The following DTD1 variants were observed in gnomAD, a reference collection of about 807,000 sequenced individuals.
DTD1 encodes the protein D-tyrosyl-tRNA deacylase 1 homolog.
A neutral mutation model predicts 25.6 loss-of-function variants in DTD1; 13 were observed. That is an observed-to-expected ratio of 0.51 (90% CI 0.33 to 0.81). DTD1 has a LOEUF of 0.81. Ranked by LOEUF, DTD1 falls within the 30% of genes least tolerant of loss-of-function variation. DTD1 has a pLI of 0.02. For synonymous variants in DTD1, 110 were observed against 103.6 expected (o/e 1.06, Z -0.37); for missense variants, 193 against 266.4 (o/e 0.72, Z 1.92).
intron 3 of DTD1, among the ~76,000 whole-genome samples, chr20:18,610,815 G>A (rs6045503): frequency 1.1e-3 from 144 of 132,594 alleles, no homozygotes; most frequent in African/African-American, 3.4e-3. Context: ...AGGAGGCTGA[G>A]GTGGGAGGAT....
chr20:18,721,907 CCGG>C (rs1273121651), intron 4 of DTD1, among the ~76,000 whole-genome samples: 7 of 152,112 alleles, frequency 4.6e-5, no homozygotes, highest in Non-Finnish European at 8.8e-5. Flanking sequence ...TGGGTCACAC[CCGG>C]GTCTGTGCAG....
intron 3 of DTD1, among the ~76,000 whole-genome samples, chr20:18,616,011 T>C (rs1568646630): frequency 6.6e-6 from 1 of 152,362 alleles, no homozygotes; most frequent in East Asian, 1.9e-4. Context: ...ATGAGTGAAC[T>C]TTCAGTGGAA....
At chr20:18,717,251 G>A (rs902459148) in intron 4 of DTD1, among the ~76,000 whole-genome samples, 4 of 152,186 alleles carry the variant, frequency 2.6e-5, no homozygotes, top group African/African-American at 9.7e-5. Flanking sequence ...CAACAGGTGA[G>A]TTCACCATAG....
At chr20:18,717,380 G>A (rs1246150204) in intron 4 of DTD1, among the ~76,000 whole-genome samples, 1 of 152,102 alleles carries the variant, frequency 6.6e-6, no homozygotes, top group Non-Finnish European at 1.5e-5. Context: ...TTTCTTGACT[G>A]CAAATGGTGC....
At chr20:18,617,043 C>T (rs181339996) in intron 3 of DTD1, among the ~76,000 whole-genome samples, 3 of 152,314 alleles carry the variant, frequency 2.0e-5, no homozygotes, top group East Asian at 3.9e-4. Context: ...ACTTTTATCT[C>T]ATTTCCTGAA....
chr20:18,757,452 A>C (rs1207933519), intron 5 of DTD1, among the ~76,000 whole-genome samples: 1 of 152,146 alleles, frequency 6.6e-6, no homozygotes, highest in African/African-American at 2.4e-5. Context: ...TCCCATCAAT[A>C]CCTAATTTAT....
chr20:18,652,354 A>G (rs75455655), intron 4 of DTD1, among the ~76,000 whole-genome samples: 2,714 of 152,370 alleles, frequency 0.018, 89 homozygotes, highest in African/African-American at 0.062. Context: ...TCAGTTTACA[A>G]TCTTTAATAA....
At chr20:18,703,260 G>GA (rs1310750767) in intron 4 of DTD1, among the ~76,000 whole-genome samples, 1 of 152,108 alleles carries the variant, frequency 6.6e-6, no homozygotes, top group African/African-American at 2.4e-5. Flanking sequence ...ACTATTTACT[G>GA]ACCATATTCT....
intron 4 of DTD1, among the ~76,000 whole-genome samples, chr20:18,712,782 C>A (rs1315064181): frequency 6.6e-6 from 1 of 152,218 alleles, no homozygotes; most frequent in African/African-American, 2.4e-5. Context: ...CATGACCTTA[C>A]GTGGCTCACG....
At chr20:18,662,420 T>C (rs543555332) in intron 4 of DTD1, among the ~76,000 whole-genome samples, 5 of 152,098 alleles carry the variant, frequency 3.3e-5, no homozygotes, top group Admixed American at 3.3e-4. Context: ...CATGCCCAGC[T>C]GGGGGTGGGG....
intron 1 of DTD1, 41 bp downstream of exon 1, chr20:18,588,156 A>AC: frequency 8.1e-7 from 1 of 1,232,704 alleles, no homozygotes; most frequent in Non-Finnish European, 1.0e-6. Flanking sequence ...GCCGCCCCTG[A>AC]CCCCCGCGAC....
intron 4 of DTD1, among the ~76,000 whole-genome samples, chr20:18,727,408 G>T (rs1211572330): frequency 2.6e-5 from 4 of 152,128 alleles, no homozygotes; most frequent in Non-Finnish European, 4.4e-5. Flanking sequence ...GCGAGAGGAA[G>T]TGGGTGGCGA....
intron 3 of DTD1, among the ~76,000 whole-genome samples, chr20:18,614,335 A>G (rs1402087465): frequency 6.6e-6 from 1 of 152,192 alleles, no homozygotes; most frequent in African/African-American, 2.4e-5. Context: ...GCCAGGTGAT[A>G]TCCTGAATGC....
At chr20:18,589,265 C>T (rs988413899) in intron 1 of DTD1, among the ~76,000 whole-genome samples, 1 of 152,100 alleles carries the variant, frequency 6.6e-6, no homozygotes, top group East Asian at 1.9e-4. Flanking sequence ...GTAGGAGAAT[C>T]GCTTGAACCC....
chr20:18,674,502 A>G (rs2060962656), intron 4 of DTD1: 1 of 152,270 alleles, frequency 6.6e-6, no homozygotes, highest in Admixed American at 6.5e-5. Context: ...GCATAGTTTC[A>G]AGAGTTACTT....
intron 2 of DTD1, 79 bp from the exon 3 acceptor site, chr20:18,595,927 G>T: frequency 8.1e-7 from 1 of 1,234,924 alleles, no homozygotes; most frequent in Non-Finnish European, 1.2e-6. Flanking sequence ...ACCGGAAGCT[G>T]GTGACATTTT....
At chr20:18,632,877 T>C (rs1226548947) in intron 4 of DTD1, among the ~76,000 whole-genome samples, 1 of 152,002 alleles carries the variant, frequency 6.6e-6, no homozygotes, top group Non-Finnish European at 1.5e-5. Context: ...TGCATGTGCA[T>C]GTGGGTATGT....
intron 3 of DTD1, among the ~76,000 whole-genome samples, chr20:18,623,977 T>C (rs1239992180): frequency 2.0e-5 from 3 of 150,026 alleles, no homozygotes; most frequent in African/African-American, 7.4e-5. Context: ...GTCATGGGAG[T>C]GACAGGAACT....
chr20:18,596,381 T>TAGCA, intron 3 of DTD1, 140 bp downstream of exon 3: 1 of 666,902 alleles, frequency 1.5e-6, no homozygotes, highest in Non-Finnish European at 2.5e-6. Context: ...ACATACTAGC[T>TAGCA]GCTGCTATTG....
Sources: gnomAD v4.1 joint callset for allele counts (sites outside exome capture counted in the v4.1 genomes callset) on GRCh38, gnomAD v4.1.1 for gene constraint, MANE v1.5 for transcripts, NCBI Gene and HGNC (gene_info 2026-07-23, HGNC 2026-07-21) for gene names.